CADM2: variants seen among roughly 807,000 people sequenced by gnomAD.
CADM2 encodes cell adhesion molecule 2.
A neutral mutation model predicts 49.8 loss-of-function variants in CADM2; 12 were observed. The ratio of observed to expected loss-of-function variants is 0.24; its 90% CI spans 0.15 to 0.39. CADM2 has a LOEUF of 0.39. Ranked by LOEUF, CADM2 falls within the 10% of genes least tolerant of loss-of-function variation. The pLI is 1.00. For synonymous variants in CADM2, 214 were observed against 175.4 expected (o/e 1.22, Z -1.74); for missense variants, 378 against 492.3 (o/e 0.77, Z 2.20).
At chr3:85,407,593 G>A (rs888239396) in intron 1 of CADM2, among the ~76,000 whole-genome samples, 1 of 152,016 alleles carries the variant, frequency 6.6e-6, no homozygotes, top group Admixed American at 6.6e-5. Flanking sequence ...TTTTTGCTCC[G>A]AAGGAAAGTT....
intron 6 of CADM2, among the ~76,000 whole-genome samples, chr3:85,928,325 A>G (rs1044047095): frequency 1.3e-5 from 2 of 151,912 alleles, no homozygotes; most frequent in Non-Finnish European, 2.9e-5. Context: ...TGCCCAGCTA[A>G]TTTTTGTATT....
chr3:85,121,834 A>T (rs1303034592), intron 1 of CADM2, among the ~76,000 whole-genome samples: 1 of 152,066 alleles, frequency 6.6e-6, no homozygotes, highest in Admixed American at 6.6e-5. Context: ...CATTCTTACA[A>T]TTTTAAAATA....
intron 7 of CADM2, among the ~76,000 whole-genome samples, chr3:85,939,768 G>A (rs970072687): frequency 5.5e-5 from 8 of 145,954 alleles, no homozygotes; most frequent in Non-Finnish European, 1.2e-4. Context: ...TTTACTTTCT[G>A]GTAACCACAA....
In CADM2 at chr3:86,040,499, T is replaced by C. The variant is rs181640519; in HGVS notation, c.971-25106T>C. ...AGGGTATCAGTGACGGAAGATCAAA[T>C]GAATTAAATGAAGCGAGAAGAGAAA... On this transcript the variant is annotated intron_variant, in intron 8 of 9. Coordinates refer to ENST00000383699, the MANE Select transcript of CADM2 (RefSeq NM_001167675.2). Among the ~76,000 whole-genome samples, 10 of 152,116 alleles carry C rather than the reference T, an allele frequency of 6.6e-5. No individual in the cohort carries two copies. In the East Asian group the frequency reaches 1.9e-3, roughly 29 times the overall value.
intron 7 of CADM2, among the ~76,000 whole-genome samples, chr3:85,942,205 C>G (rs1222561310): frequency 6.6e-6 from 1 of 151,790 alleles, no homozygotes; most frequent in Non-Finnish European, 1.5e-5. Flanking sequence ...GCCCATATTT[C>G]AATCAAATAG....
chr3:85,299,726 T>A (rs529806158), intron 1 of CADM2, among the ~76,000 whole-genome samples: 1 of 152,118 alleles, frequency 6.6e-6, no homozygotes, highest in East Asian at 1.9e-4. Context: ...TCACTGATTT[T>A]TCTCTTATCT....
intron 1 of CADM2, among the ~76,000 whole-genome samples, chr3:85,069,429 A>C (rs1005022128): frequency 6.6e-6 from 1 of 152,150 alleles, no homozygotes; most frequent in African/African-American, 2.4e-5. Context: ...TGTAATCAAA[A>C]AATAATACCT....
chr3:85,982,503 G>A (rs887546106), intron 8 of CADM2, among the ~76,000 whole-genome samples: 1 of 151,554 alleles, frequency 6.6e-6, no homozygotes, highest in Non-Finnish European at 1.5e-5. Context: ...AAAAATAGTA[G>A]CATTGAATTT....
chr3:85,166,641 A>C (rs558347870), intron 1 of CADM2, among the ~76,000 whole-genome samples: 1 of 151,970 alleles, frequency 6.6e-6, no homozygotes, highest in African/African-American at 2.4e-5. Flanking sequence ...TTAAAAGACT[A>C]TTTAGAAAGC....
chr3:85,481,769 G>T (rs570966378), intron 1 of CADM2, among the ~76,000 whole-genome samples: 1 of 150,518 alleles, frequency 6.6e-6, no homozygotes, highest in African/African-American at 2.4e-5. Flanking sequence ...ACCAATCAAA[G>T]TGAAACTTTC....
intron 8 of CADM2, among the ~76,000 whole-genome samples, chr3:85,980,671 T>G (rs777832202): frequency 6.6e-6 from 1 of 151,592 alleles, no homozygotes; most frequent in Non-Finnish European, 1.5e-5. Context: ...TATAATATTA[T>G]GTAAAATGAA....
At chr3:86,056,505 G>A (rs139852615) in intron 8 of CADM2, among the ~76,000 whole-genome samples, 12 of 152,262 alleles carry the variant, frequency 7.9e-5, no homozygotes, top group Admixed American at 4.6e-4. Context: ...TATAAGTATA[G>A]ATTAATAAAA....
intron 1 of CADM2, among the ~76,000 whole-genome samples, chr3:85,116,475 G>T (rs918106887): frequency 6.6e-6 from 1 of 152,042 alleles, no homozygotes; most frequent in African/African-American, 2.4e-5. Context: ...GTTATCAAAG[G>T]TAAGTTAGCG....
chr3:85,185,273 T>C (rs1199411195), intron 1 of CADM2, among the ~76,000 whole-genome samples: 1 of 151,804 alleles, frequency 6.6e-6, no homozygotes, highest in Non-Finnish European at 1.5e-5. Context: ...AAATAACGAA[T>C]ATTTATTTCA....
intron 2 of CADM2, among the ~76,000 whole-genome samples, chr3:85,793,928 T>TCTA (rs2108042323): frequency 6.6e-6 from 1 of 152,288 alleles, no homozygotes; most frequent in African/African-American, 2.4e-5. Flanking sequence ...CAGAACTGCA[T>TCTA]CTACCTAAAA....
chr3:85,521,602 G>T (rs969578991), intron 1 of CADM2, among the ~76,000 whole-genome samples: 5 of 152,110 alleles, frequency 3.3e-5, no homozygotes, highest in Non-Finnish European at 7.4e-5. Flanking sequence ...ATTAACAAAA[G>T]TAAGCAAAAT....
intron 1 of CADM2, among the ~76,000 whole-genome samples, chr3:85,453,930 C>G (rs867937742): frequency 6.6e-6 from 1 of 151,874 alleles, no homozygotes; most frequent in Admixed American, 6.6e-5. Context: ...AAACTAGAAA[C>G]GGCAATATTT....
chr3:85,207,312 C>T (rs1411748299), intron 1 of CADM2, among the ~76,000 whole-genome samples: 1 of 152,118 alleles, frequency 6.6e-6, no homozygotes, highest in African/African-American at 2.4e-5. Flanking sequence ...AGTTTCATCA[C>T]TGACTATTCA....
chr3:85,988,089 G>T (rs1472395591), intron 8 of CADM2, among the ~76,000 whole-genome samples: 1 of 152,108 alleles, frequency 6.6e-6, no homozygotes, highest in Non-Finnish European at 1.5e-5. Flanking sequence ...GGAACTTTCT[G>T]CCAGGACAAT....
Sources: gnomAD v4.1 joint callset for allele counts (sites outside exome capture counted in the v4.1 genomes callset) on GRCh38, gnomAD v4.1.1 for gene constraint, MANE v1.5 for transcripts, NCBI Gene and HGNC (gene_info 2026-07-23, HGNC 2026-07-21) for gene names.